The following TMPRSS15 variants were observed in gnomAD, a reference collection of about 807,000 sequenced individuals.
The protein encoded by TMPRSS15 is enteropeptidase.
In TMPRSS15, 128 loss-of-function variants were observed where a neutral mutation model predicts 125.3. The observed-to-expected ratio is 1.02, with a 90% CI of 0.89 to 1.18. The LOEUF is 1.18. Ranked by LOEUF, TMPRSS15 falls within the 50% of genes most tolerant of loss-of-function variation. The pLI is 0.00. For synonymous variants in TMPRSS15, 446 were observed against 423.2 expected, an observed-to-expected ratio of 1.05 and a Z score of -0.66; for missense variants, 1,283 against 1,212.7, an observed-to-expected ratio of 1.06 and a Z score of -0.86.
At chr21:18,365,583 TTTCCTTCC>T (rs755590532) in intron 6 of TMPRSS15, among the ~76,000 whole-genome samples, 9 of 128,336 alleles carry the variant, frequency 7.0e-5, no homozygotes, top group African/African-American at 2.5e-4. Context: ...TTTCTCTCTT[TTTCCTTCC>T]TTCCTTCCTT....
intron 16 of TMPRSS15, among the ~76,000 whole-genome samples, chr21:18,319,400 T>TA (rs1167235668): frequency 4.7e-5 from 5 of 107,080 alleles, no homozygotes; most frequent in Non-Finnish European, 9.4e-5. Context: ...ACAGTAACAG[T>TA]AAAAAAAAAT....
intron 16 of TMPRSS15, among the ~76,000 whole-genome samples, chr21:18,316,038 T>C (rs1302565937): frequency 2.7e-5 from 4 of 149,844 alleles, no homozygotes; most frequent in Non-Finnish European, 5.9e-5. Context: ...TATATATATA[T>C]ATAAAATAAT....
chr21:18,281,724 A>G (rs2074700665), intron 21 of TMPRSS15, among the ~76,000 whole-genome samples: 1 of 152,194 alleles, frequency 6.6e-6, no homozygotes, highest in Non-Finnish European at 1.5e-5. Context: ...TTTTCAGACA[A>G]CTGTAGCTAG....
At chr21:18,319,861 T>C (rs1037619712) in intron 16 of TMPRSS15, among the ~76,000 whole-genome samples, 4 of 152,224 alleles carry the variant, frequency 2.6e-5, no homozygotes, top group African/African-American at 9.6e-5. Flanking sequence ...ATTGGAGCTA[T>C]TTGTATACTC....
At chr21:18,412,130 T>C (rs1025211675) in intron 1 of TMPRSS15, among the ~76,000 whole-genome samples, 5 of 152,202 alleles carry the variant, frequency 3.3e-5, no homozygotes, top group Non-Finnish European at 7.3e-5. Flanking sequence ...CAGATTGTTG[T>C]GCCAGCCACA....
rs59972471 is a variant in TMPRSS15, at chr21:18,278,924, G to GTTTTTT, written c.2764+34_2764+39dup. On this transcript the variant is annotated intron_variant, in intron 23 of 24. Transcript: ENST00000284885. ...TGACAGTCTGTTTTTCACCAGTAAG[G>GTTTTTT]TTTTTTTTTTTTTTTTTTTTTTTGA... 1,282 of 439,884 alleles carry GTTTTTT rather than the reference G, an allele frequency of 2.9e-3. 13 individuals carry two copies. The highest frequency in any genetic ancestry group is 0.013 in the African/African-American group (396 of 30,632). The allele number at this position is 439,884 out of a possible 1,614,324, so 27.2% of individuals were successfully genotyped here. A position where few individuals can be genotyped will look rare whatever the true frequency, so the allele number is the denominator to read the frequency against.
chr21:18,384,041 C>T (rs1206625314), intron 3 of TMPRSS15, among the ~76,000 whole-genome samples: 2 of 152,182 alleles, frequency 1.3e-5, no homozygotes, highest in Admixed American at 6.5e-5. Flanking sequence ...GTTCCACGTT[C>T]AAGTACTCAT....
intron 1 of TMPRSS15, among the ~76,000 whole-genome samples, chr21:18,402,897 C>T (rs2076109865): frequency 6.6e-6 from 1 of 152,136 alleles, no homozygotes; most frequent in Admixed American, 6.5e-5. Context: ...ACAAAGTTAG[C>T]TCTAACTAAG....
At chr21:18,421,203 A>T (rs1269320603) in intron 1 of TMPRSS15, among the ~76,000 whole-genome samples, 1 of 152,188 alleles carries the variant, frequency 6.6e-6, no homozygotes, top group Non-Finnish European at 1.5e-5. Context: ...TTTCAAATGG[A>T]TTCTCAATCT....
chr21:18,471,424 T>C (rs1978778101), intron 1 of TMPRSS15, among the ~76,000 whole-genome samples: 1 of 152,020 alleles, frequency 6.6e-6, no homozygotes, highest in Admixed American at 6.6e-5. Flanking sequence ...TCTGTAACTA[T>C]TTATTGTTGT....
intron 1 of TMPRSS15, among the ~76,000 whole-genome samples, chr21:18,469,755 CAGTA>C (rs1974229253): frequency 1.3e-5 from 2 of 152,142 alleles, no homozygotes; most frequent in African/African-American, 4.8e-5. Flanking sequence ...AACAAATATG[CAGTA>C]AGTAATTCAC....
intron 1 of TMPRSS15, among the ~76,000 whole-genome samples, chr21:18,458,879 A>G (rs548871258): frequency 1.3e-5 from 2 of 152,152 alleles, no homozygotes; most frequent in South Asian, 2.1e-4. Context: ...AGTGAAAAAT[A>G]TATCTTATGA....
chr21:18,333,114 G>A (rs2075360605), intron 13 of TMPRSS15, among the ~76,000 whole-genome samples: 1 of 152,136 alleles, frequency 6.6e-6, no homozygotes, highest in Non-Finnish European at 1.5e-5. Flanking sequence ...GTGGTAGGAG[G>A]GAGGGGAATC....
intron 1 of TMPRSS15, among the ~76,000 whole-genome samples, chr21:18,448,632 T>A (rs2076260759): frequency 6.6e-6 from 1 of 152,154 alleles, no homozygotes; most frequent in Non-Finnish European, 1.5e-5. Flanking sequence ...GAAACTTGAA[T>A]TTATTACTCT....
At chr21:18,329,336 T>C (rs371390036) in intron 14 of TMPRSS15, 42 bp from the exon 15 acceptor site, 139 of 1,589,146 alleles carry the variant, frequency 8.7e-5, no homozygotes, top group Admixed American at 7.7e-4. Flanking sequence ...ACACACTTGG[T>C]GATTTCTCTT....
At chr21:18,287,866 C>T (rs899336854) in intron 21 of TMPRSS15, among the ~76,000 whole-genome samples, 1 of 152,110 alleles carries the variant, frequency 6.6e-6, no homozygotes, top group African/African-American at 2.4e-5. Context: ...GATCCAAGAC[C>T]TAAGCTCTAA....
chr21:18,403,564 A>G lies in TMPRSS15; in HGVS notation c.59T>C (p.Met20Thr). Residue 20 changes from methionine (M) to threonine (T), a missense_variant, in exon 1 of 25, where the codon ATG becomes ACG. Met to Thr is a moderately conservative substitution (Grantham distance 81). Coordinates refer to ENST00000284885, the MANE Select transcript of TMPRSS15 (RefSeq NM_002772.3). Reference protein sequence around the residue: ...RHHSLSSYEIMFAALFAILVV... With the variant: ...RHHSLSSYEITFAALFAILVV... Reference sequence around the variant, plus strand: ...CAATATGGCAAAGAGAGCTGCAAACATGATTTCATAGGAGCTGAGAGAATG... The same window carrying G: ...CAATATGGCAAAGAGAGCTGCAAACGTGATTTCATAGGAGCTGAGAGAATG... 1.2e-6 allele frequency: 2 copies of G among 1,614,162 alleles called. No individual in the cohort carries two copies. The highest frequency in any genetic ancestry group is 1.7e-6 in the Non-Finnish European group (2 of 1,180,016).
intron 18 of TMPRSS15, among the ~76,000 whole-genome samples, chr21:18,302,290 A>C (rs2074981339): frequency 6.6e-6 from 1 of 152,126 alleles, no homozygotes; most frequent in Non-Finnish European, 1.5e-5. Flanking sequence ...GAGGGAAAGA[A>C]GGGGATTGAT....
intron 6 of TMPRSS15, 71 bp downstream of exon 6, chr21:18,372,122 G>GTT (rs1049006318): frequency 2.3e-6 from 3 of 1,289,000 alleles, no homozygotes; most frequent in Non-Finnish European, 3.4e-6. Context: ...GTGTGTGTGT[G>GTT]TGTGTGTGTG....
Sources: allele counts gnomAD v4.1 joint callset (sites outside exome capture counted in the v4.1 genomes callset), GRCh38; gene constraint gnomAD v4.1.1; transcripts MANE v1.5; gene names NCBI Gene and HGNC (gene_info 2026-07-23, HGNC 2026-07-21).